NTN4: variants seen among roughly 807,000 people sequenced by gnomAD.
NTN4 encodes the protein netrin-4.
In NTN4, 32 loss-of-function variants were observed where a neutral mutation model predicts 73.6. The observed-to-expected ratio is 0.44, with a 90% CI of 0.33 to 0.58. The LOEUF (loss-of-function observed/expected upper bound fraction) is 0.58, where lower values mean the gene tolerates loss of function less well. NTN4 is among the 20% of genes least tolerant of loss of function. The pLI is 0.04. For missense variants in NTN4, 654 were observed against 798.3 expected, an observed-to-expected ratio of 0.82 and a Z score of 2.18; for synonymous variants, 258 against 287.5, an observed-to-expected ratio of 0.90 and a Z score of 1.04.
At chr12:95,725,325 T>C (rs1009318799) in intron 3 of NTN4, among the ~76,000 whole-genome samples, 2 of 152,170 alleles carry the variant, frequency 1.3e-5, no homozygotes, top group Non-Finnish European at 2.9e-5. Flanking sequence ...ATTCACTGTC[T>C]TCTAGGATTT....
intron 5 of NTN4, among the ~76,000 whole-genome samples, chr12:95,687,854 T>A (rs2078373624): frequency 2.0e-5 from 3 of 152,150 alleles, no homozygotes; most frequent in African/African-American, 7.2e-5. Context: ...CTAATCAGCA[T>A]CTGTGGAATT....
At chr12:95,767,522 G>A (rs939502470) in intron 2 of NTN4, among the ~76,000 whole-genome samples, 18 of 152,170 alleles carry the variant, frequency 1.2e-4, no homozygotes, top group Admixed American at 2.0e-4. Context: ...CAGTGCTTAT[G>A]GAGAGAAAGT....
chr12:95,686,974 G>A (rs980334401), intron 5 of NTN4, among the ~76,000 whole-genome samples: 2 of 152,176 alleles, frequency 1.3e-5, no homozygotes, highest in Non-Finnish European at 2.9e-5. Flanking sequence ...TTGTGTGGGA[G>A]CTCTTACTGC....
At chr12:95,738,922 C>A (rs1048929285) in intron 2 of NTN4, among the ~76,000 whole-genome samples, 3 of 152,086 alleles carry the variant, frequency 2.0e-5, no homozygotes, top group Non-Finnish European at 4.4e-5. Context: ...TCGTGTCACT[C>A]CCTTGCTTAA....
chr12:95,666,974 C>T (rs1196031725), intron 8 of NTN4, among the ~76,000 whole-genome samples: 3 of 152,122 alleles, frequency 2.0e-5, no homozygotes, highest in Non-Finnish European at 4.4e-5. Context: ...ATATCCGCCA[C>T]CACAGATAAA....
chr12:95,703,307 A>C (rs1391413330), intron 5 of NTN4, among the ~76,000 whole-genome samples: 1 of 152,230 alleles, frequency 6.6e-6, no homozygotes, highest in East Asian at 1.9e-4. Context: ...TAGAAATGTA[A>C]GGTTCATTAT....
At position 95,781,265 on chromosome 12, in the gene NTN4, C is replaced by T. The variant is rs1001702831; in HGVS notation, c.585+5674G>A. Among the ~76,000 whole-genome samples the T allele has an allele frequency of 6.6e-6, 1 of 152,120 alleles. No homozygotes were observed. Among genetic ancestry groups the T allele is most frequent in the Non-Finnish European group, 1.5e-5 (1 of 68,022 alleles). ...CATGTATACATATGTAACAAACCTG[C>T]ACGTTGTGCACATGTACCCTAGAAC... is the stretch of plus-strand genomic sequence containing the variant. On this transcript the variant is annotated intron_variant, in intron 2 of 9. Transcript: ENST00000343702. This position sits in a 1 kb window ranked among gnomAD's most constrained non-coding sequence, Gnocchi z 4.1.
At chr12:95,712,215 C>T (rs1039450759) in intron 4 of NTN4, among the ~76,000 whole-genome samples, 1 of 152,120 alleles carries the variant, frequency 6.6e-6, no homozygotes, top group Non-Finnish European at 1.5e-5. Context: ...ATATTTTAAC[C>T]TTCCTATTTA....
intron 2 of NTN4, among the ~76,000 whole-genome samples, chr12:95,771,871 C>A (rs2079061255): frequency 6.6e-6 from 1 of 151,962 alleles, no homozygotes; most frequent in Non-Finnish European, 1.5e-5. Flanking sequence ...CTTCTCCCTG[C>A]TTGTTTTAGG....
chr12:95,788,185 T>C (rs2079183415), intron 1 of NTN4, among the ~76,000 whole-genome samples: 1 of 152,186 alleles, frequency 6.6e-6, no homozygotes, highest in Non-Finnish European at 1.5e-5. Context: ...AACTGCCAAA[T>C]GGCAGAAAAG....
At chr12:95,682,498 A>G (rs1490412165) in intron 7 of NTN4, among the ~76,000 whole-genome samples, 1 of 150,672 alleles carries the variant, frequency 6.6e-6, no homozygotes, top group Non-Finnish European at 1.5e-5. Flanking sequence ...TACTCTAATC[A>G]TCAGAAAACA....
chr12:95,762,037 C>T (rs768246035), intron 2 of NTN4, among the ~76,000 whole-genome samples: 6 of 152,026 alleles, frequency 3.9e-5, no homozygotes, highest in African/African-American at 9.7e-5. Flanking sequence ...ATGTTAAACA[C>T]GTTCCCTGAC....
At chr12:95,672,406 A>G (rs1459761625) in intron 7 of NTN4, 7 of 1,076,592 alleles carry the variant, frequency 6.5e-6, no homozygotes, top group Non-Finnish European at 1.0e-5. Flanking sequence ...CCGGCAGGCC[A>G]CCAGGAGGTG....
chr12:95,728,741 G>C (rs1374865992), intron 3 of NTN4, among the ~76,000 whole-genome samples: 1 of 152,158 alleles, frequency 6.6e-6, no homozygotes, highest in Non-Finnish European at 1.5e-5. Context: ...GTTTGGATCT[G>C]TGTCCCCATC....
intron 2 of NTN4, among the ~76,000 whole-genome samples, chr12:95,770,471 G>A (rs2079049643): frequency 6.6e-6 from 1 of 152,192 alleles, no homozygotes; most frequent in South Asian, 2.1e-4. Context: ...CCAGTTTGAT[G>A]TGACCTCCAT....
intron 2 of NTN4, among the ~76,000 whole-genome samples, chr12:95,765,281 G>A (rs902122587): frequency 1.3e-5 from 2 of 152,144 alleles, no homozygotes; most frequent in Non-Finnish European, 2.9e-5. Context: ...ATTGTTCTTT[G>A]TACCTCTGAT....
At chr12:95,733,609 G>A (rs2078754007) in intron 3 of NTN4, among the ~76,000 whole-genome samples, 1 of 152,196 alleles carries the variant, frequency 6.6e-6, no homozygotes, top group South Asian at 2.1e-4. Flanking sequence ...AAGTGCTGTG[G>A]TAAGTCAGAT....
intron 3 of NTN4, 123 bp from the exon 4 acceptor site, chr12:95,713,461 A>G: frequency 8.9e-7 from 1 of 1,129,682 alleles, no homozygotes; most frequent in Non-Finnish European, 1.2e-6. Context: ...ACTTTCCTGA[A>G]GAAGTTAGCC....
At chr12:95,704,112 G>T (rs543173665) in intron 5 of NTN4, among the ~76,000 whole-genome samples, 1 of 152,032 alleles carries the variant, frequency 6.6e-6, no homozygotes. Context: ...CCTTTAATAT[G>T]ATTCAATAGC....
Sources: allele counts gnomAD v4.1 joint callset (sites outside exome capture counted in the v4.1 genomes callset), GRCh38; gene constraint gnomAD v4.1.1; non-coding constraint Gnocchi (gnomAD v3.1); transcripts MANE v1.5; gene names NCBI Gene and HGNC (gene_info 2026-07-23, HGNC 2026-07-21).